The following CCNJL variants were observed in gnomAD, a reference collection of about 807,000 sequenced individuals.
CCNJL encodes the protein cyclin J like.
CCNJL carries 33 observed loss-of-function variants against 33.4 expected under a neutral mutation model. The observed-to-expected ratio is 0.99, with a 90% CI of 0.75 to 1.32. The LOEUF (loss-of-function observed/expected upper bound fraction) is 1.32. Ranked by LOEUF, CCNJL falls within the 40% of genes most tolerant of loss-of-function variation. The pLI, the probability that CCNJL is intolerant of heterozygous loss-of-function variation, is 0.00. For missense variants in CCNJL, 512 were observed against 499.7 expected (o/e 1.02, Z -0.23); for synonymous variants, 227 against 220.9 (o/e 1.03, Z -0.24).
Position 160,280,603 on chromosome 5 carries a change from C to T in CCNJL, c.202G>A (p.Asp68Asn). 1 of 1,613,552 alleles carries T rather than the reference C, an allele frequency of 6.2e-7. No individual in the cohort carries two copies. The highest frequency in any genetic ancestry group is 8.5e-7 in the Non-Finnish European group (1 of 1,179,980). The change falls in exon 3 of 6, where the codon GAC (aspartate) becomes AAC (asparagine). Residue 68 changes from aspartate (D) to asparagine (N), a missense_variant. Asp to Asn is a conservative substitution (Grantham distance 23). Transcript: ENST00000257536. ...AARHLAVYLL[D>N]HFMDRYNVTT... ...ACGTTGTAGCGATCCATGAAGTGGT[C>T]CAGCAGGTAGACGGCCAGGTGCCGG...
intron 2 of CCNJL, among the ~76,000 whole-genome samples, chr5:160,308,955 T>C (rs931183323): frequency 1.3e-5 from 2 of 152,264 alleles, no homozygotes; most frequent in African/African-American, 4.8e-5. Context: ...CCCTGAGACA[T>C]GAACAAGCTT....
At chr5:160,331,750 C>T (rs1232174555) in intron 1 of CCNJL, among the ~76,000 whole-genome samples, 2 of 152,214 alleles carry the variant, frequency 1.3e-5, no homozygotes, top group Non-Finnish European at 2.9e-5. Context: ...GGGACAGAAA[C>T]ACAGCCATAC....
At chr5:160,261,583 C>T (rs894442316) in intron 3 of CCNJL, among the ~76,000 whole-genome samples, 1 of 152,144 alleles carries the variant, frequency 6.6e-6, no homozygotes, top group African/African-American at 2.4e-5. Context: ...AGGGTTGAGG[C>T]TCTGGCCGAC....
intron 3 of CCNJL, among the ~76,000 whole-genome samples, chr5:160,272,739 T>C (rs952634109): frequency 3.3e-5 from 5 of 152,206 alleles, no homozygotes; most frequent in African/African-American, 9.6e-5. Context: ...TCTCATCAGC[T>C]GTTGGTTGAG....
intron 3 of CCNJL, among the ~76,000 whole-genome samples, chr5:160,270,372 A>C (rs1280651508): frequency 1.3e-5 from 2 of 151,916 alleles, no homozygotes; most frequent in Non-Finnish European, 2.9e-5. Context: ...TGAACCTGGG[A>C]GGCGGAGGTT....
At chr5:160,327,722 G>T (rs1451179527) in intron 1 of CCNJL, among the ~76,000 whole-genome samples, 2 of 152,188 alleles carry the variant, frequency 1.3e-5, no homozygotes, top group Non-Finnish European at 2.9e-5. Context: ...CCAGAGTAAG[G>T]AGAGACGCTA....
At chr5:160,276,051 G>A (rs978851002) in intron 3 of CCNJL, among the ~76,000 whole-genome samples, 4 of 152,314 alleles carry the variant, frequency 2.6e-5, no homozygotes, top group African/African-American at 4.8e-5. Context: ...ATCAACAGAT[G>A]ACTGGATAAA....
intron 1 of CCNJL, among the ~76,000 whole-genome samples, chr5:160,330,489 T>C (rs72814332): frequency 0.071 from 10,789 of 152,142 alleles, 450 homozygotes; most frequent in East Asian, 0.15. Flanking sequence ...TCCTCTCTCC[T>C]CTCGGCTCCC....
intron 2 of CCNJL, among the ~76,000 whole-genome samples, chr5:160,289,351 C>A (rs946995839): frequency 6.6e-6 from 1 of 152,140 alleles, no homozygotes; most frequent in African/African-American, 2.4e-5. Flanking sequence ...AGTGAATGGA[C>A]GTCTGAATAC....
intron 3 of CCNJL, among the ~76,000 whole-genome samples, chr5:160,272,306 G>A (rs1010252369): frequency 1.3e-5 from 2 of 152,184 alleles, no homozygotes; most frequent in Non-Finnish European, 2.9e-5. Context: ...AGGATGCAAA[G>A]GGGAGTGATG....
At chr5:160,278,836 C>T (rs772436411) in intron 3 of CCNJL, among the ~76,000 whole-genome samples, 7 of 152,224 alleles carry the variant, frequency 4.6e-5, no homozygotes, top group Non-Finnish European at 7.3e-5. Flanking sequence ...GCTTGAAATA[C>T]GATGCCCAGT....
At chr5:160,258,284 G>T in intron 4 of CCNJL, 1 of 729,930 alleles carries the variant, frequency 1.4e-6, no homozygotes. Context: ...GCAGCATCAG[G>T]CAAGTGGCTG....
intron 2 of CCNJL, among the ~76,000 whole-genome samples, chr5:160,293,707 C>A (rs1762659944): frequency 6.6e-6 from 1 of 152,152 alleles, no homozygotes; most frequent in Non-Finnish European, 1.5e-5. Context: ...CGAGGTGGAA[C>A]CAGCACTAGC....
At chr5:160,289,293 C>T (rs1429607257) in intron 2 of CCNJL, among the ~76,000 whole-genome samples, 1 of 152,150 alleles carries the variant, frequency 6.6e-6, no homozygotes, top group Non-Finnish European at 1.5e-5. Context: ...CTTGGCCATA[C>T]CCTTGGTCCC....
At chr5:160,277,316 GC>G (rs1345928094) in intron 3 of CCNJL, among the ~76,000 whole-genome samples, 1 of 152,220 alleles carries the variant, frequency 6.6e-6, no homozygotes, top group African/African-American at 2.4e-5. Context: ...GGAAGCCACA[GC>G]CGCTGTGATG....
chr5:160,301,737 CTTT>C (rs1327410011), intron 2 of CCNJL, among the ~76,000 whole-genome samples: 3 of 122,000 alleles, frequency 2.5e-5, no homozygotes, highest in Non-Finnish European at 3.4e-5. Flanking sequence ...ACCCGGTCGT[CTTT>C]TTTTTTTTTG....
chr5:160,290,760 C>T (rs190016389), intron 2 of CCNJL, among the ~76,000 whole-genome samples: 4 of 152,164 alleles, frequency 2.6e-5, no homozygotes, highest in African/African-American at 2.4e-5. Flanking sequence ...GCAAAAGGAA[C>T]ACCTGATAAT....
chr5:160,329,495 C>T (rs551498198), intron 1 of CCNJL, among the ~76,000 whole-genome samples: 1 of 151,944 alleles, frequency 6.6e-6, no homozygotes, highest in South Asian at 2.1e-4. Flanking sequence ...GCACTACAGG[C>T]GCCCACCACC....
At chr5:160,253,867 T>C (rs1760937991) in intron 5 of CCNJL, 69 bp from the exon 6 acceptor site, 1 of 1,275,092 alleles carries the variant, frequency 7.8e-7, no homozygotes, top group Non-Finnish European at 1.1e-6. Flanking sequence ...TGTCTCTACC[T>C]GTCTTGCTAA....
Sources: gnomAD v4.1 joint callset for allele counts (sites outside exome capture counted in the v4.1 genomes callset) on GRCh38, gnomAD v4.1.1 for gene constraint, MANE v1.5 for transcripts, NCBI Gene and HGNC (gene_info 2026-07-23, HGNC 2026-07-21) for gene names.